AGBL4: variants seen among roughly 807,000 people sequenced by gnomAD.
AGBL4 encodes the protein cytosolic carboxypeptidase 6.
AGBL4 carries 58 observed loss-of-function variants against 66.4 expected under a neutral mutation model. The ratio of observed to expected loss-of-function variants is 0.87; its 90% CI spans 0.71 to 1.09. The LOEUF (loss-of-function observed/expected upper bound fraction) is 1.09. Among genes scored for constraint, AGBL4 ranks in the 50% least tolerant of loss-of-function variants. The pLI is 0.00. For synonymous variants in AGBL4, 234 were observed against 222.9 expected (o/e 1.05, Z -0.44); for missense variants, 579 against 631.0 (o/e 0.92, Z 0.88).
intron 5 of AGBL4, among the ~76,000 whole-genome samples, chr1:49,034,829 C>A (rs568906400): frequency 6.6e-6 from 1 of 152,044 alleles, no homozygotes; most frequent in African/African-American, 2.4e-5. Context: ...GTCAATTAAA[C>A]CTCTTTCCCT....
chr1:49,907,758 A>G (rs1346216020), intron 1 of AGBL4, among the ~76,000 whole-genome samples: 2 of 152,160 alleles, frequency 1.3e-5, no homozygotes, highest in Admixed American at 1.3e-4. Flanking sequence ...GTCATGAAAC[A>G]TTTGCCCAAA....
At chr1:49,657,986 C>T (rs1646181542) in intron 3 of AGBL4, among the ~76,000 whole-genome samples, 1 of 152,086 alleles carries the variant, frequency 6.6e-6, no homozygotes, top group African/African-American at 2.4e-5. Context: ...GCAATGGCAA[C>T]CAAAGACAAA....
intron 2 of AGBL4, among the ~76,000 whole-genome samples, chr1:49,775,451 A>AT (rs1025515243): frequency 2.6e-5 from 4 of 152,070 alleles, no homozygotes; most frequent in Non-Finnish European, 4.4e-5. Flanking sequence ...GTGCAAATAG[A>AT]TTTTTTTCAA....
At chr1:49,736,263 G>A (rs1344681659) in intron 2 of AGBL4, among the ~76,000 whole-genome samples, 1 of 151,518 alleles carries the variant, frequency 6.6e-6, no homozygotes, top group Non-Finnish European at 1.5e-5. Context: ...GACAAAGAAA[G>A]GCTCTTGAAA....
chr1:48,828,139 T>C (rs1430318452), intron 6 of AGBL4, among the ~76,000 whole-genome samples: 1 of 146,170 alleles, frequency 6.8e-6, no homozygotes, highest in African/African-American at 2.6e-5. Flanking sequence ...GAGGTTGCAG[T>C]GAGCCAAGAT....
chr1:49,910,220 TAGG>T (rs1383573261), intron 1 of AGBL4, among the ~76,000 whole-genome samples: 1 of 151,968 alleles, frequency 6.6e-6, no homozygotes, highest in East Asian at 1.9e-4. Flanking sequence ...AACAATGAGT[TAGG>T]AGGAGAGCCA....
chr1:49,343,658 C>CT (rs1480999128), intron 3 of AGBL4, among the ~76,000 whole-genome samples: 4 of 152,158 alleles, frequency 2.6e-5, no homozygotes, highest in Non-Finnish European at 1.5e-5. Flanking sequence ...GCATTCCCCT[C>CT]TTTTTGGGGA....
At chr1:49,880,974 C>A (rs1274753844) in intron 1 of AGBL4, among the ~76,000 whole-genome samples, 1 of 152,128 alleles carries the variant, frequency 6.6e-6, no homozygotes. Context: ...ACTACCTGAC[C>A]CCTTGTGCTT....
chr1:48,926,414 G>A (rs112489073), intron 5 of AGBL4, among the ~76,000 whole-genome samples: 311 of 151,862 alleles, frequency 2.0e-3, no homozygotes, highest in African/African-American at 7.2e-3. Context: ...CGAGTAGCTG[G>A]GATTACAGGC....
chr1:49,854,338 G>A (rs1374909170), intron 1 of AGBL4, among the ~76,000 whole-genome samples: 1 of 151,972 alleles, frequency 6.6e-6, no homozygotes, highest in Non-Finnish European at 1.5e-5. Flanking sequence ...GAAGCAACTG[G>A]CCCATCCATG....
intron 9 of AGBL4, among the ~76,000 whole-genome samples, chr1:48,624,628 T>C (rs1645469324): frequency 6.6e-6 from 1 of 152,174 alleles, no homozygotes; most frequent in Non-Finnish European, 1.5e-5. Flanking sequence ...CTCACTGAGC[T>C]ACCAATAAGC....
intron 7 of AGBL4, among the ~76,000 whole-genome samples, chr1:48,653,998 A>G (rs114362288): frequency 0.039 from 5,894 of 152,236 alleles, 162 homozygotes; most frequent in Non-Finnish European, 0.057. Flanking sequence ...CATGTACTCC[A>G]AATGTGCTTC....
chr1:49,107,008 G>A (rs974531765), intron 4 of AGBL4, among the ~76,000 whole-genome samples: 5 of 151,980 alleles, frequency 3.3e-5, no homozygotes, highest in African/African-American at 9.7e-5. Context: ...AGGTTCAACT[G>A]ACAAAGAAAC....
At chr1:49,009,245 A>G (rs1206304407) in intron 5 of AGBL4, among the ~76,000 whole-genome samples, 2 of 152,168 alleles carry the variant, frequency 1.3e-5, no homozygotes, top group Non-Finnish European at 2.9e-5. Context: ...GAATACTACA[A>G]ACACCTCTAC....
chr1:48,734,407 C>T (rs562610531), intron 6 of AGBL4, among the ~76,000 whole-genome samples: 1 of 152,320 alleles, frequency 6.6e-6, no homozygotes, highest in South Asian at 2.1e-4. Flanking sequence ...TCTATGGCAG[C>T]AGCATCTCTC....
chr1:49,785,398 C>T (rs374806947), intron 2 of AGBL4, among the ~76,000 whole-genome samples: 2 of 151,880 alleles, frequency 1.3e-5, no homozygotes, highest in East Asian at 1.9e-4. Flanking sequence ...ATAATCATTC[C>T]ACAATGTATA....
intron 1 of AGBL4, among the ~76,000 whole-genome samples, chr1:49,908,274 G>T (rs751799806): frequency 1.3e-5 from 2 of 152,046 alleles, no homozygotes; most frequent in Non-Finnish European, 2.9e-5. Flanking sequence ...ATCTCATGTT[G>T]AACTATAATC....
At chr1:48,695,208 C>T (rs1422953894) in intron 6 of AGBL4, among the ~76,000 whole-genome samples, 3 of 152,222 alleles carry the variant, frequency 2.0e-5, no homozygotes, top group Non-Finnish European at 2.9e-5. Context: ...CCTGCATTTG[C>T]AGAGACACAC....
At chr1:48,811,480 A>G (rs1003849547) in intron 6 of AGBL4, among the ~76,000 whole-genome samples, 3 of 152,170 alleles carry the variant, frequency 2.0e-5, no homozygotes, top group Admixed American at 6.5e-5. Context: ...TCAAATTCAA[A>G]TGTTCTGGTC....
Sources: allele counts gnomAD v4.1 joint callset (sites outside exome capture counted in the v4.1 genomes callset), GRCh38; gene constraint gnomAD v4.1.1; transcripts MANE v1.5; gene names NCBI Gene and HGNC (gene_info 2026-07-23, HGNC 2026-07-21).